Variants in ENPP6 observed in about 807,000 individuals in gnomAD.
The protein encoded by ENPP6 is ectonucleotide pyrophosphatase/phosphodiesterase 6, also known as glycerophosphocholine cholinephosphodiesterase ENPP6.
ENPP6 carries 32 observed loss-of-function variants against 42.0 expected under a neutral mutation model. The observed-to-expected ratio is 0.76, with a 90% CI of 0.58 to 1.02. The LOEUF (loss-of-function observed/expected upper bound fraction) is 1.02. Among genes scored for constraint, ENPP6 ranks in the 50% least tolerant of loss-of-function variants. The pLI is 0.00. For missense variants in ENPP6, 552 were observed against 566.8 expected, an observed-to-expected ratio of 0.97 and a Z score of 0.27; for synonymous variants, 213 against 216.0, an observed-to-expected ratio of 0.99 and a Z score of 0.12.
chr4:184,188,385 CCAAA>C (rs1732667528), intron 1 of ENPP6, among the ~76,000 whole-genome samples: 1 of 152,094 alleles, frequency 6.6e-6, no homozygotes, highest in African/African-American at 2.4e-5. Flanking sequence ...GGTTTTTGTT[CCAAA>C]CAAAGAAGGT....
In ENPP6 at chr4:184,176,754, T is replaced by C. The variant is rs188444770; in HGVS notation, c.242-23021A>G. ...ATCATGAGAAATTAGCACAGGACCATGAAAATATCAAAGCATAAGAGAGAA... is the reference window on the plus strand; with the variant it reads ...ATCATGAGAAATTAGCACAGGACCACGAAAATATCAAAGCATAAGAGAGAA... On this transcript the variant is annotated intron_variant, in intron 1 of 7. Transcript: ENST00000296741. 3.0e-3 allele frequency among the ~76,000 whole-genome samples: 454 copies of C among 152,216 alleles called. 3 individuals are homozygous for C. The highest frequency in any genetic ancestry group is 3.1e-3 in the Non-Finnish European group (209 of 68,014).
chr4:184,134,117 C>T (rs1429954915), intron 2 of ENPP6, among the ~76,000 whole-genome samples: 2 of 113,330 alleles, frequency 1.8e-5, no homozygotes, highest in Admixed American at 8.6e-5. Flanking sequence ...TTACACTAAC[C>T]TCATTATGGA....
chr4:184,120,679 G>T (rs866338056), intron 3 of ENPP6, among the ~76,000 whole-genome samples: 3 of 152,204 alleles, frequency 2.0e-5, no homozygotes, highest in African/African-American at 7.2e-5. Context: ...TTTTCAGCCA[G>T]GAAAAAGGGC....
At chr4:184,119,581 G>A (rs1169616064) in intron 3 of ENPP6, among the ~76,000 whole-genome samples, 1 of 152,060 alleles carries the variant, frequency 6.6e-6, no homozygotes, top group Non-Finnish European at 1.5e-5. Context: ...TCAGATAAAT[G>A]GCAAGATTAT....
intron 1 of ENPP6, among the ~76,000 whole-genome samples, chr4:184,160,876 C>T (rs1560996888): frequency 6.6e-6 from 1 of 152,138 alleles, no homozygotes; most frequent in Non-Finnish European, 1.5e-5. Context: ...AAAAAGGAAC[C>T]TCCTCACATG....
chr4:184,194,169 G>A (rs17075431), intron 1 of ENPP6, among the ~76,000 whole-genome samples: 3,597 of 152,178 alleles, frequency 0.024, 142 homozygotes, highest in African/African-American at 0.083. Context: ...CAGCATCTCC[G>A]GGCCTTCGCG....
rs1732598108 is a variant in ENPP6, at chr4:184,184,276, T to C, written c.242-30543A>G. ...TATTTAGAATAAAAGACAAGCTTTA[T>C]GACGTGTTTAAAGAAATAAAAGATA... On this transcript the variant is annotated intron_variant, in intron 1 of 7. Coordinates refer to ENST00000296741, the MANE Select transcript of ENPP6 (RefSeq NM_153343.4). This position sits in a 1 kb window ranked among gnomAD's most constrained non-coding sequence, Gnocchi z 4.7. Among the ~76,000 whole-genome samples the C allele has an allele frequency of 1.3e-5, 2 of 152,224 alleles. No individual in the cohort carries two copies. Among genetic ancestry groups the C allele is most frequent in the South Asian group, 4.1e-4 (2 of 4,834 alleles).
At chr4:184,154,597 C>T (rs1320012089) in intron 1 of ENPP6, among the ~76,000 whole-genome samples, 1 of 151,856 alleles carries the variant, frequency 6.6e-6, no homozygotes, top group African/African-American at 2.4e-5. Context: ...CTTCTCCCCA[C>T]CCCTCCCAAA....
At chr4:184,185,612 T>A (rs1391761907) in intron 1 of ENPP6, among the ~76,000 whole-genome samples, 1 of 152,188 alleles carries the variant, frequency 6.6e-6, no homozygotes, top group Non-Finnish European at 1.5e-5. Context: ...AGTTGTAGTA[T>A]TCTTGACAAA....
chr4:184,098,049 C>T (rs530137957), intron 6 of ENPP6, among the ~76,000 whole-genome samples: 1 of 152,364 alleles, frequency 6.6e-6, no homozygotes, highest in South Asian at 2.1e-4. Flanking sequence ...ACCTCCCATG[C>T]TTTCTTTCCC....
chr4:184,164,275 G>A (rs905783798), intron 1 of ENPP6, among the ~76,000 whole-genome samples: 1 of 152,162 alleles, frequency 6.6e-6, no homozygotes, highest in African/African-American at 2.4e-5. Flanking sequence ...AGTGACGCTT[G>A]CTATATTGTA....
Position 184,117,694 on chromosome 4 carries a change from T to A in ENPP6, c.675+65A>T. The A allele has an allele frequency of 1.9e-6, 3 of 1,593,552 alleles. No homozygotes were observed. The South Asian group carries it at 3.4e-5, about 18-fold the overall frequency. On this transcript the variant is annotated intron_variant, in intron 4 of 7. Coordinates refer to ENST00000296741, the MANE Select transcript of ENPP6 (RefSeq NM_153343.4). ...GAGGGAAGATGTTGACAGGAGTGACTGTGGAGGAGACAAACAGAGGGTGAC... is the reference window on the plus strand; with the variant it reads ...GAGGGAAGATGTTGACAGGAGTGACAGTGGAGGAGACAAACAGAGGGTGAC...
chr4:184,179,235 G>A (rs1314274939), intron 1 of ENPP6, among the ~76,000 whole-genome samples: 1 of 152,146 alleles, frequency 6.6e-6, no homozygotes, highest in Non-Finnish European at 1.5e-5. Context: ...CCTAGTTTCT[G>A]ACAAAACAGG....
In ENPP6 at chr4:184,091,377, T is replaced by C. The variant is rs1320231646; in HGVS notation, c.1123A>G (p.Lys375Glu). 1 of 1,600,294 alleles carries C rather than the reference T, an allele frequency of 6.2e-7. No homozygotes were observed. The change falls in exon 8 of 8, where the codon AAA becomes GAA. Residue 375 changes from lysine to glutamate, a missense_variant. Transcript: ENST00000296741. The part of the protein sequence containing the change: ...GIFLAFGPDF[K>E]SNFRAAPIRS... ...ATAGGAGCAGCTCTGAAGTTGGATT[T>C]GAAATCTGAAAGGGAAAGGCAAACA... is the stretch of plus-strand genomic sequence containing the variant.
At chr4:184,131,946 A>G (rs1203575178) in intron 2 of ENPP6, among the ~76,000 whole-genome samples, 11 of 141,974 alleles carry the variant, frequency 7.7e-5, no homozygotes, top group Non-Finnish European at 1.3e-4. Context: ...GTTGTAATTC[A>G]GTCCTAATTC....
intron 1 of ENPP6, among the ~76,000 whole-genome samples, chr4:184,215,996 T>C (rs1048666039): frequency 5.3e-5 from 8 of 152,242 alleles, no homozygotes; most frequent in African/African-American, 1.9e-4. Context: ...GAGTCTGTAA[T>C]GGTCCTTTTA....
intron 1 of ENPP6, among the ~76,000 whole-genome samples, chr4:184,163,641 G>A (rs955782887): frequency 1.3e-5 from 2 of 152,204 alleles, no homozygotes. Flanking sequence ...AGGTTCTACA[G>A]CTGATGAGGA....
At chr4:184,125,140 G>A (rs926802760) in intron 2 of ENPP6, among the ~76,000 whole-genome samples, 1 of 152,176 alleles carries the variant, frequency 6.6e-6, no homozygotes, top group Non-Finnish European at 1.5e-5. Flanking sequence ...GAAAGTGTGT[G>A]GTATGTGAAG....
At chr4:184,193,985 A>C (rs1239422445) in intron 1 of ENPP6, among the ~76,000 whole-genome samples, 2 of 152,114 alleles carry the variant, frequency 1.3e-5, no homozygotes, top group South Asian at 2.1e-4. Flanking sequence ...TGAGATCCTA[A>C]TGCTATTTTT....
Sources: gnomAD v4.1 joint callset for allele counts (sites outside exome capture counted in the v4.1 genomes callset) on GRCh38, gnomAD v4.1.1 for gene constraint, Gnocchi (gnomAD v3.1) non-coding constraint, MANE v1.5 for transcripts, NCBI Gene and HGNC (gene_info 2026-07-23, HGNC 2026-07-21) for gene names.